DZIP1: variants seen among roughly 807,000 people sequenced by gnomAD.
DZIP1 encodes the protein cilium assembly protein DZIP1.
In DZIP1, 97 loss-of-function variants were observed where a neutral mutation model predicts 107.6. That is an observed-to-expected ratio of 0.90 (90% CI 0.77 to 1.07). The LOEUF is 1.07. Among genes scored for constraint, DZIP1 ranks in the 50% least tolerant of loss-of-function variants. DZIP1 has a pLI of 0.00. For synonymous variants in DZIP1, 390 were observed against 386.4 expected, an observed-to-expected ratio of 1.01 and a Z score of -0.11; for missense variants, 1,035 against 1,063.6, an observed-to-expected ratio of 0.97 and a Z score of 0.37.
chr13:95,636,543 C>CAAAAAAA (rs58289509), intron 5 of DZIP1, among the ~76,000 whole-genome samples: 2 of 118,266 alleles, frequency 1.7e-5, no homozygotes, highest in African/African-American at 6.9e-5. Flanking sequence ...GACCTTGACT[C>CAAAAAAA]AAAAAAAAAA....
chr13:95,596,467 T>C (rs188932230), intron 15 of DZIP1, among the ~76,000 whole-genome samples: 3 of 152,310 alleles, frequency 2.0e-5, no homozygotes, highest in Admixed American at 6.5e-5. Flanking sequence ...CACCTAGTAA[T>C]GATAGATTTT....
At position 95,642,155 on chromosome 13, in the gene DZIP1, TC is replaced by T; in HGVS notation, c.-127del. Reference sequence around the variant, plus strand: ...GCGGCGGCGGCCTAAGGTCTGGGCGTCCAGGACGTTGCTATAGCAGCGCCCA... The same window carrying T: ...GCGGCGGCGGCCTAAGGTCTGGGCGTCAGGACGTTGCTATAGCAGCGCCCA... On this transcript the variant is annotated 5_prime_UTR_variant, in exon 4 of 23. Coordinates refer to ENST00000376829, the MANE Select transcript of DZIP1 (RefSeq NM_198968.4). 1.6e-6 allele frequency: 2 copies of T among 1,288,446 alleles called. No homozygotes were observed. Among genetic ancestry groups the T allele is most frequent in the South Asian group, 1.7e-5 (1 of 57,728 alleles). The allele number at this position is 1,288,446 out of a possible 1,614,324, so 79.8% of individuals were successfully genotyped here.
chr13:95,617,143 A>T (rs1290933160), intron 10 of DZIP1, among the ~76,000 whole-genome samples: 1 of 152,028 alleles, frequency 6.6e-6, no homozygotes, highest in Non-Finnish European at 1.5e-5. Context: ...CGGAGGTTGC[A>T]GTGAGCCAAG....
chr13:95,589,958 C>A, intron 17 of DZIP1, 26 bp from the exon 18 acceptor site: 1 of 1,607,562 alleles, frequency 6.2e-7, no homozygotes, highest in South Asian at 1.1e-5. Flanking sequence ...ATTCATGAGT[C>A]TCCATTACCT....
At chr13:95,628,298 C>T (rs1377602073) in intron 7 of DZIP1, among the ~76,000 whole-genome samples, 1 of 152,136 alleles carries the variant, frequency 6.6e-6, no homozygotes, top group Non-Finnish European at 1.5e-5. Context: ...CCATCTTGGC[C>T]TCCCAAAATA....
intron 8 of DZIP1, among the ~76,000 whole-genome samples, chr13:95,623,594 A>C (rs892020567): frequency 1.3e-5 from 2 of 152,250 alleles, no homozygotes; most frequent in African/African-American, 4.8e-5. Flanking sequence ...TGTGAACTTT[A>C]ATGAAATTTT....
Position 95,582,159 on chromosome 13 carries a change from C to T in DZIP1, c.*75G>A. On this transcript the variant is annotated 3_prime_UTR_variant, in exon 23 of 23. Transcript: ENST00000376829. The stretch of plus-strand genomic sequence containing the variant: ...CACGGTAAGGCAGAAGCACTAGAAT[C>T]ATGGAGGCAAATTACTGAAACACTG... 1 of 1,427,846 alleles carries T rather than the reference C, an allele frequency of 7.0e-7. No homozygotes were observed. Among genetic ancestry groups the T allele is most frequent in the Non-Finnish European group, 9.9e-7 (1 of 1,012,200 alleles). The allele number at this position is 1,427,846 out of a possible 1,614,324, so 88.4% of individuals were successfully genotyped here.
At position 95,641,917 on chromosome 13, in the gene DZIP1, G is replaced by T; in HGVS notation, c.37-62C>A. 1 of 1,467,812 alleles carries T rather than the reference G, an allele frequency of 6.8e-7. No homozygotes were observed. The highest frequency in any genetic ancestry group is 2.8e-5 in the Admixed American group (1 of 36,098). The allele number at this position is 1,467,812 out of a possible 1,614,324, so 90.9% of individuals were successfully genotyped here. A position where few individuals can be genotyped will look rare whatever the true frequency, so the allele number is the denominator to read the frequency against. ...GGATGGGGGGCGGGCAGGCTGGGGA[G>T]CTGGGGGTCCGGGGAAGCCCCGGTT... On this transcript the variant is annotated intron_variant, in intron 4 of 22. Coordinates refer to ENST00000376829, the MANE Select transcript of DZIP1 (RefSeq NM_198968.4). This position sits in a 1 kb window ranked among gnomAD's most constrained non-coding sequence, Gnocchi z 4.3.
At chr13:95,636,219 ACAT>A (rs1313082507) in intron 5 of DZIP1, among the ~76,000 whole-genome samples, 1 of 151,966 alleles carries the variant, frequency 6.6e-6, no homozygotes, top group African/African-American at 2.4e-5. Flanking sequence ...AAGATCTGAA[ACAT>A]CATTGCAGAA....
At chr13:95,629,460 C>T (rs1466791378) in intron 7 of DZIP1, among the ~76,000 whole-genome samples, 2 of 152,138 alleles carry the variant, frequency 1.3e-5, no homozygotes, top group East Asian at 3.9e-4. Flanking sequence ...GAGGGAGACT[C>T]AACCCTCTGT....
At chr13:95,639,943 C>T (rs1878288272) in intron 5 of DZIP1, among the ~76,000 whole-genome samples, 1 of 151,800 alleles carries the variant, frequency 6.6e-6, no homozygotes, top group Admixed American at 6.6e-5. Context: ...AGACCAAACA[C>T]TAAGTCCTTC....
intron 13 of DZIP1, 78 bp from the exon 14 acceptor site, chr13:95,606,137 A>G: frequency 7.1e-7 from 1 of 1,413,434 alleles, no homozygotes; most frequent in Non-Finnish European, 1.0e-6. Context: ...GTAGCCAAAT[A>G]TGCCGCAAAC....
chr13:95,599,910 G>A (rs1180483841), intron 14 of DZIP1, among the ~76,000 whole-genome samples: 1 of 152,192 alleles, frequency 6.6e-6, no homozygotes, highest in Non-Finnish European at 1.5e-5. Context: ...GGGAACGACA[G>A]GCGAGAGGTC....
chr13:95,601,570 T>C (rs905452499), intron 14 of DZIP1, among the ~76,000 whole-genome samples: 17 of 152,200 alleles, frequency 1.1e-4, no homozygotes, highest in African/African-American at 3.6e-4. Context: ...GGCCAGAGCT[T>C]ACTCAGTGGC....
chr13:95,590,204 C>T (rs2044274716), intron 17 of DZIP1, 75 bp downstream of exon 17: 1 of 1,348,100 alleles, frequency 7.4e-7, no homozygotes. Context: ...TTAATGATAT[C>T]TTGTGGTGAA....
At position 95,580,741 on chromosome 13, in the gene DZIP1, G is replaced by A. The variant is rs1444861821; in HGVS notation, c.*1493C>T. ...ACAAAGTGGCACATGGGCCATCTTA[G>A]GCTTGGTGTAGTTTTGTAGATTGCC... On this transcript the variant is annotated 3_prime_UTR_variant, in exon 23 of 23. Transcript: ENST00000376829. 2 of 152,192 alleles carry A rather than the reference G, an allele frequency of 1.3e-5. No homozygotes were observed. Among genetic ancestry groups the A allele is most frequent in the African/African-American group, 2.4e-5 (1 of 41,452 alleles). 9.4% of individuals were successfully genotyped at this position (152,192 alleles called of 1,614,324 possible).
intron 10 of DZIP1, among the ~76,000 whole-genome samples, chr13:95,619,526 C>T (rs938539190): frequency 6.6e-6 from 1 of 152,136 alleles, no homozygotes; most frequent in African/African-American, 2.4e-5. Context: ...CATCGTAAAA[C>T]CTTCAGAAGG....
At chr13:95,594,281 C>T (rs2044385612) in intron 15 of DZIP1, among the ~76,000 whole-genome samples, 195 bp from the exon 16 acceptor site, 1 of 152,080 alleles carries the variant, frequency 6.6e-6, no homozygotes, top group Non-Finnish European at 1.5e-5. Context: ...TATTTTATGT[C>T]GGCTTCAAAA....
intron 12 of DZIP1, among the ~76,000 whole-genome samples, chr13:95,611,165 A>C (rs1181148790): frequency 6.6e-6 from 1 of 152,236 alleles, no homozygotes; most frequent in African/African-American, 2.4e-5. Flanking sequence ...ATAAGTCAAG[A>C]GGTAAATGGC....
Sources: gnomAD v4.1 joint callset for allele counts (sites outside exome capture counted in the v4.1 genomes callset) on GRCh38, gnomAD v4.1.1 for gene constraint, Gnocchi (gnomAD v3.1) non-coding constraint, MANE v1.5 for transcripts, NCBI Gene and HGNC (gene_info 2026-07-23, HGNC 2026-07-21) for gene names.